Variants in FLRT2 observed in about 807,000 individuals in gnomAD.
The protein encoded by FLRT2 is fibronectin leucine rich transmembrane protein 2, also known as leucine-rich repeat transmembrane protein FLRT2.
A neutral mutation model predicts 40.0 loss-of-function variants in FLRT2; 15 were observed. The ratio of observed to expected loss-of-function variants is 0.38; its 90% CI spans 0.25 to 0.58. The LOEUF (loss-of-function observed/expected upper bound fraction) is 0.58. FLRT2 is among the 20% of genes least tolerant of loss of function. FLRT2 has a pLI of 0.71. For missense variants in FLRT2, 726 were observed against 840.0 expected, an observed-to-expected ratio of 0.86 and a Z score of 1.68; for synonymous variants, 380 against 336.8, an observed-to-expected ratio of 1.13 and a Z score of -1.41.
chr14:85,540,895 A>G (rs1888948449), intron 1 of FLRT2, among the ~76,000 whole-genome samples: 1 of 152,100 alleles, frequency 6.6e-6, no homozygotes, highest in Non-Finnish European at 1.5e-5. Flanking sequence ...ATTTGCTACT[A>G]CTTTAAAGAG....
chr14:85,563,079 T>A (rs951434380), intron 1 of FLRT2: 2 of 151,708 alleles, frequency 1.3e-5, no homozygotes, highest in Non-Finnish European at 2.9e-5. Flanking sequence ...TTATGTAAAG[T>A]TAGACATCAA....
chr14:85,543,485 T>G (rs1334475545), intron 1 of FLRT2, among the ~76,000 whole-genome samples: 2 of 151,720 alleles, frequency 1.3e-5, no homozygotes, highest in African/African-American at 4.8e-5. Context: ...CAGTGTCCCC[T>G]AAACCATTGT....
Position 85,640,498 on chromosome 14 carries a change from C to G in FLRT2, c.*17001C>G, listed in dbSNP as rs1019221990. 6.6e-5 allele frequency: 10 copies of G among 152,252 alleles called. No individual in the cohort carries two copies. The highest frequency in any genetic ancestry group is 1.9e-4 in the African/African-American group (8 of 41,568). The allele number at this position is 152,252 out of a possible 1,614,324, so 9.4% of individuals were successfully genotyped here. ...AATTGTTTAATTCATAGGAAAGCCACTGGGAGCCTTCTGGGAGCCAGAAGC... is the reference window on the plus strand; with the variant it reads ...AATTGTTTAATTCATAGGAAAGCCAGTGGGAGCCTTCTGGGAGCCAGAAGC... On this transcript the variant is annotated 3_prime_UTR_variant, in exon 2 of 2. Coordinates refer to ENST00000330753, the MANE Select transcript of FLRT2 (RefSeq NM_013231.6).
rs370183022 is a variant in FLRT2 at position 85,621,341 on chromosome 14, T to G, written c.-174T>G. On this transcript the variant is annotated 5_prime_UTR_variant, in exon 2 of 2. It removes the in-frame stop codon of an upstream open reading frame in the 5' UTR. Coordinates refer to ENST00000330753, the MANE Select transcript of FLRT2 (RefSeq NM_013231.6). Reference sequence around the variant, plus strand: ...CAGCAGCAAAGAGGGCAACACAGGCTGATAAGACCAGAGACAGCAGGGAGA... The same window carrying G: ...CAGCAGCAAAGAGGGCAACACAGGCGGATAAGACCAGAGACAGCAGGGAGA... 6.3e-6 allele frequency: 4 copies of G among 634,668 alleles called. No homozygotes were observed. The highest frequency in any genetic ancestry group is 5.5e-5 in the African/African-American group (3 of 54,572). The allele number at this position is 634,668 out of a possible 1,614,324, so 39.3% of individuals were successfully genotyped here. A position where few individuals can be genotyped will look rare whatever the true frequency, so the allele number is the denominator to read the frequency against.
At chr14:85,553,534 G>C (rs987884581) in intron 1 of FLRT2, among the ~76,000 whole-genome samples, 2 of 152,164 alleles carry the variant, frequency 1.3e-5, no homozygotes, top group African/African-American at 4.8e-5. Flanking sequence ...TGGCCCATGG[G>C]CTGTGGGTTG....
At chr14:85,598,996 C>G (rs1294604843) in intron 1 of FLRT2, among the ~76,000 whole-genome samples, 2 of 145,160 alleles carry the variant, frequency 1.4e-5, no homozygotes, top group Non-Finnish European at 3.0e-5. Context: ...TGGCTCACTG[C>G]AAGCTCCGCC....
chr14:85,545,096 G>T (rs1889207386), intron 1 of FLRT2, among the ~76,000 whole-genome samples: 1 of 152,122 alleles, frequency 6.6e-6, no homozygotes, highest in African/African-American at 2.4e-5. Context: ...CACCACCCCA[G>T]ATCTTTTCAT....
In FLRT2 at chr14:85,578,215, C is replaced by T. The variant is rs369689650; in HGVS notation, c.-376-42924C>T. Among the ~76,000 whole-genome samples the T allele has an allele frequency of 7.7e-5, 11 of 142,178 alleles. No homozygotes were observed. The South Asian group carries it at 8.8e-4, about 11-fold the overall frequency. The allele number at this position is 142,178 out of a possible 152,430, so 93.3% of individuals were successfully genotyped here. On this transcript the variant is annotated intron_variant, in intron 1 of 1. Transcript: ENST00000330753. ...TTATATATATTTATATATAAATATA[C>T]GTATATATATTTATATATTTTTTAT...
chr14:85,609,257 A>C (rs538534496), intron 1 of FLRT2, among the ~76,000 whole-genome samples: 1 of 152,150 alleles, frequency 6.6e-6, no homozygotes, highest in Non-Finnish European at 1.5e-5. Flanking sequence ...GGAACCTAGA[A>C]GGAGCAATAC....
intron 1 of FLRT2, among the ~76,000 whole-genome samples, chr14:85,598,392 A>G (rs1363869062): frequency 6.6e-6 from 1 of 152,250 alleles, no homozygotes; most frequent in African/African-American, 2.4e-5. Context: ...AATTAAACAG[A>G]TTTCACAACT....
intron 1 of FLRT2, among the ~76,000 whole-genome samples, chr14:85,596,504 T>C (rs557599311): frequency 5.9e-5 from 9 of 152,100 alleles, no homozygotes; most frequent in African/African-American, 9.7e-5. Flanking sequence ...TTGTTGTCGT[T>C]GTTGTTGTTG....
At chr14:85,609,559 C>T (rs1892770641) in intron 1 of FLRT2, among the ~76,000 whole-genome samples, 1 of 152,138 alleles carries the variant, frequency 6.6e-6, no homozygotes, top group African/African-American at 2.4e-5. Flanking sequence ...ACCTCTTGAC[C>T]CTGAATACCT....
At chr14:85,589,218 C>T (rs1427761275) in intron 1 of FLRT2, among the ~76,000 whole-genome samples, 1 of 152,214 alleles carries the variant, frequency 6.6e-6, no homozygotes, top group East Asian at 1.9e-4. Context: ...TGCTAACCTG[C>T]ATTCCCACCA....
At chr14:85,547,526 G>T (rs1047699421) in intron 1 of FLRT2, among the ~76,000 whole-genome samples, 2 of 152,050 alleles carry the variant, frequency 1.3e-5, no homozygotes, top group Non-Finnish European at 2.9e-5. Context: ...GTTTCACCAC[G>T]TTGGCCAGGC....
At chr14:85,557,801 A>C (rs1269582286) in intron 1 of FLRT2, among the ~76,000 whole-genome samples, 1 of 152,080 alleles carries the variant, frequency 6.6e-6, no homozygotes, top group Non-Finnish European at 1.5e-5. Flanking sequence ...GGGCAACAAG[A>C]GTAAAACTCC....
In FLRT2 at chr14:85,627,570, A is replaced by G. The variant is rs1413182009; in HGVS notation, c.*4073A>G. On this transcript the variant is annotated 3_prime_UTR_variant, in exon 2 of 2. Coordinates refer to ENST00000330753, the MANE Select transcript of FLRT2 (RefSeq NM_013231.6). ...TTAAAAATTATTATCAAACATGCAC[A>G]TGCTTGTACACACACACACACACAC... 6.5e-6 allele frequency: 1 copy of G among 154,378 alleles called. No homozygotes were observed. The highest frequency in any genetic ancestry group is 1.6e-5 in the Non-Finnish European group (1 of 63,854). 9.6% of individuals were successfully genotyped at this position (154,378 alleles called of 1,614,324 possible).
In FLRT2 at chr14:85,626,085, C is replaced by T. The variant is rs1439513532; in HGVS notation, c.*2588C>T. ...TGAACCTAGTAACAGGCTTTATTTT[C>T]ACCTTGTGTACAACATGGCAAAGAC... On this transcript the variant is annotated 3_prime_UTR_variant, in exon 2 of 2. Transcript: ENST00000330753. 1.2e-5 allele frequency: 2 copies of T among 167,058 alleles called. No individual in the cohort carries two copies. The highest frequency in any genetic ancestry group is 2.9e-5 in the Non-Finnish European group (2 of 68,138). 10.3% of individuals were successfully genotyped at this position (167,058 alleles called of 1,614,324 possible).
At position 85,623,261 on chromosome 14, in the gene FLRT2, C is replaced by T; in HGVS notation, c.1747C>T (p.Arg583Trp). ...CCAGAAGTGGAAATACAACCGGGGC[C>T]GGCGGAAAGATGATTATTGCGAGGC... Reference protein sequence around the residue: ...TSQKWKYNRGRRKDDYCEAGT... With the variant: ...TSQKWKYNRGWRKDDYCEAGT... Residue 583 changes from arginine (R) to tryptophan (W), a missense_variant, in exon 2 of 2, where the codon CGG (arginine) becomes TGG (tryptophan). Arg to Trp is a moderately radical substitution (Grantham distance 101, BLOSUM62 -3). This residue lies in a region of FLRT2 where 611 missense variants were observed against 690.0 expected (regional missense o/e 0.89). Transcript: ENST00000330753. The T allele has an allele frequency of 2.0e-6, 3 of 1,514,656 alleles. No homozygotes were observed. The highest frequency in any genetic ancestry group is 2.3e-5 in the Admixed American group (1 of 44,124). 93.8% of individuals were successfully genotyped at this position (1,514,656 alleles called of 1,614,324 possible).
chr14:85,645,273 TATATATGTATATAC>T lies in FLRT2; in HGVS notation c.*21790_*21803del, dbSNP rs1240416194. The T allele has an allele frequency of 6.7e-6, 1 of 150,338 alleles. No homozygotes were observed. Among genetic ancestry groups the T allele is most frequent in the Non-Finnish European group, 1.5e-5 (1 of 67,866 alleles). The allele number at this position is 150,338 out of a possible 1,614,324, so 9.3% of individuals were successfully genotyped here. On this transcript the variant is annotated 3_prime_UTR_variant, in exon 2 of 2. Transcript: ENST00000330753. Reference sequence around the variant, plus strand: ...ACATGTGTATATATGTATACATGTGTATATATGTATATACATATATGTATATAGAAGTATATATA... The same window carrying T: ...ACATGTGTATATATGTATACATGTGTATATATGTATATAGAAGTATATATA...
Sources: allele counts gnomAD v4.1 joint callset (sites outside exome capture counted in the v4.1 genomes callset), GRCh38; gene constraint gnomAD v4.1.1; regional missense constraint gnomAD v4.1.1; transcripts MANE v1.5; gene names NCBI Gene and HGNC (gene_info 2026-07-23, HGNC 2026-07-21).